Variants in SNTG1 observed in about 807,000 individuals in gnomAD.
The protein encoded by SNTG1 is gamma-1-syntrophin.
In SNTG1, 39 loss-of-function variants were observed where a neutral mutation model predicts 74.7. The observed-to-expected ratio is 0.52, with a 90% CI of 0.40 to 0.68. The LOEUF (loss-of-function observed/expected upper bound fraction) is 0.68. Among genes scored for constraint, SNTG1 ranks in the 30% least tolerant of loss-of-function variants. The pLI is 0.00. For synonymous variants in SNTG1, 254 were observed against 217.1 expected (o/e 1.17, Z -1.49); for missense variants, 685 against 609.5 (o/e 1.12, Z -1.30).
chr8:50,046,736 C>A (rs1290199979), intron 1 of SNTG1, among the ~76,000 whole-genome samples: 1 of 152,138 alleles, frequency 6.6e-6, no homozygotes, highest in Non-Finnish European at 1.5e-5. Context: ...AAGTGATTTT[C>A]CTCTGCCACA....
chr8:50,519,837 A>G (rs1350835788), intron 9 of SNTG1, among the ~76,000 whole-genome samples: 3 of 152,218 alleles, frequency 2.0e-5, no homozygotes, highest in African/African-American at 7.2e-5. Flanking sequence ...TTCCATGTTC[A>G]TAGACAGGGA....
At chr8:50,014,235 T>C (rs1040036330) in intron 1 of SNTG1, among the ~76,000 whole-genome samples, 2 of 152,074 alleles carry the variant, frequency 1.3e-5, no homozygotes, top group Non-Finnish European at 2.9e-5. Context: ...CAGTCAATAT[T>C]TTGTCCAAAT....
chr8:49,950,542 G>C (rs111478797), intron 1 of SNTG1, among the ~76,000 whole-genome samples: 1 of 152,010 alleles, frequency 6.6e-6, no homozygotes, highest in Non-Finnish European at 1.5e-5. Context: ...TCATACTAAT[G>C]TAACTAATTT....
chr8:50,058,892 T>C (rs1209541384), intron 1 of SNTG1, among the ~76,000 whole-genome samples: 1 of 152,070 alleles, frequency 6.6e-6, no homozygotes, highest in Admixed American at 6.6e-5. Context: ...AACCTCTCTC[T>C]CTTACCCTCT....
At chr8:50,499,693 G>A (rs550047196) in intron 8 of SNTG1, among the ~76,000 whole-genome samples, 2 of 151,700 alleles carry the variant, frequency 1.3e-5, no homozygotes, top group African/African-American at 2.4e-5. Context: ...CCCTATGCCA[G>A]TTTGAGGAAG....
intron 2 of SNTG1, among the ~76,000 whole-genome samples, chr8:50,324,871 T>C (rs2090674005): frequency 6.6e-6 from 1 of 150,630 alleles, no homozygotes; most frequent in Non-Finnish European, 1.5e-5. Context: ...AGAATTTTTG[T>C]AAACTTGTGA....
intron 1 of SNTG1, among the ~76,000 whole-genome samples, chr8:50,033,111 T>TA (rs1166480383): frequency 6.6e-6 from 1 of 151,300 alleles, no homozygotes; most frequent in Admixed American, 6.6e-5. Flanking sequence ...AACTATGCAA[T>TA]AAAAAGTGTT....
At chr8:50,691,093 T>G (rs1009923990) in intron 15 of SNTG1, among the ~76,000 whole-genome samples, 1 of 152,174 alleles carries the variant, frequency 6.6e-6, no homozygotes, top group Non-Finnish European at 1.5e-5. Flanking sequence ...TTGTTTTCCA[T>G]TTGCTTGGTA....
At chr8:50,447,839 A>T (rs181180946) in intron 5 of SNTG1, among the ~76,000 whole-genome samples, 169 of 152,326 alleles carry the variant, frequency 1.1e-3, no homozygotes, top group African/African-American at 3.9e-3. Flanking sequence ...GGGAATTTGG[A>T]GTTCTAACTC....
chr8:50,456,837 C>T (rs980820230), intron 8 of SNTG1, among the ~76,000 whole-genome samples: 41 of 152,056 alleles, frequency 2.7e-4, no homozygotes, highest in Non-Finnish European at 4.7e-4. Context: ...GAAGGCACAC[C>T]TAAACCAGGT....
intron 1 of SNTG1, among the ~76,000 whole-genome samples, chr8:50,073,908 C>T (rs1821595685): frequency 1.3e-5 from 2 of 149,362 alleles, no homozygotes; most frequent in South Asian, 4.3e-4. Flanking sequence ...ATGGTGTTGT[C>T]CGGCTTTGTT....
Position 50,536,762 on chromosome 8 carries a change from C to G in SNTG1, c.634C>G (p.Leu212Val), listed in dbSNP as rs749947090. ...GTGCGACCTCAGACTGATCCCTCTA[C>G]TTCATTCGCGCTTCTCTCAGTATGT... ...RWCDLRLIPL[L>V]HSRFSQYVPG... The change falls in exon 11 of 19, where the codon CTT (leucine) becomes GTT (valine). Residue 212 changes from leucine to valine, a missense_variant. Physicochemically the swap from Leu to Val is conservative, Grantham distance 32. Transcript: ENST00000642720. 45 of 1,614,016 alleles carry G rather than the reference C, an allele frequency of 2.8e-5. No individual in the cohort carries two copies. Among genetic ancestry groups the G allele is most frequent in the Non-Finnish European group, 3.8e-5 (45 of 1,179,886 alleles).
intron 2 of SNTG1, among the ~76,000 whole-genome samples, chr8:50,335,356 T>G (rs2091106359): frequency 6.6e-6 from 1 of 152,214 alleles, no homozygotes; most frequent in Non-Finnish European, 1.5e-5. Context: ...ATCGGAAAAC[T>G]GAAATCACAC....
intron 17 of SNTG1, among the ~76,000 whole-genome samples, chr8:50,734,837 CTATATATATGGACATAT>C (rs2095522867): frequency 1.3e-5 from 1 of 76,142 alleles, no homozygotes; most frequent in Non-Finnish European, 2.6e-5. Context: ...ATATATATAT[CTATATATATGGACATAT>C]ATATATCTAT....
intron 2 of SNTG1, among the ~76,000 whole-genome samples, chr8:50,338,274 A>T (rs1219631541): frequency 6.6e-6 from 1 of 152,242 alleles, no homozygotes; most frequent in East Asian, 1.9e-4. Flanking sequence ...TGCAGCAAGC[A>T]GTAAACACAG....
At chr8:50,657,061 T>A in intron 14 of SNTG1, 36 bp downstream of exon 14, 1 of 1,283,614 alleles carries the variant, frequency 7.8e-7, no homozygotes, top group Non-Finnish European at 1.1e-6. Context: ...GTCGTTTCCA[T>A]ATTATCACAA....
At chr8:50,570,513 C>T (rs554371666) in intron 12 of SNTG1, among the ~76,000 whole-genome samples, 67 of 148,980 alleles carry the variant, frequency 4.5e-4, no homozygotes, top group African/African-American at 1.6e-3. Context: ...CCCACCTTGG[C>T]CTCCCAGCGT....
intron 1 of SNTG1, among the ~76,000 whole-genome samples, chr8:50,157,623 G>A (rs536650351): frequency 1.3e-5 from 2 of 152,136 alleles, no homozygotes; most frequent in Admixed American, 6.6e-5. Context: ...GAATTTCCCC[G>A]AGCTTGCAGA....
At chr8:50,493,285 C>T (rs770438533) in intron 8 of SNTG1, among the ~76,000 whole-genome samples, 6 of 152,076 alleles carry the variant, frequency 3.9e-5, no homozygotes, top group Non-Finnish European at 8.8e-5. Flanking sequence ...CCAGATCATC[C>T]AACCAAAAAC....
Sources: allele counts gnomAD v4.1 joint callset (sites outside exome capture counted in the v4.1 genomes callset), GRCh38; gene constraint gnomAD v4.1.1; transcripts MANE v1.5; gene names NCBI Gene and HGNC (gene_info 2026-07-23, HGNC 2026-07-21).